Variants in CALN1 observed in about 807,000 individuals in gnomAD.
CALN1 encodes the protein calcium-binding protein 8.
In CALN1, 17 loss-of-function variants were observed where a neutral mutation model predicts 30.6. The ratio of observed to expected loss-of-function variants is 0.56; its 90% CI spans 0.38 to 0.83. The LOEUF (loss-of-function observed/expected upper bound fraction) is 0.83. CALN1 is among the 40% of genes least tolerant of loss of function. The pLI is 0.00. For missense variants in CALN1, 291 were observed against 354.9 expected (o/e 0.82, Z 1.45); for synonymous variants, 156 against 131.4 (o/e 1.19, Z -1.28).
intron 4 of CALN1, among the ~76,000 whole-genome samples, chr7:72,039,802 C>T (rs1802016269): frequency 6.6e-6 from 1 of 152,126 alleles, no homozygotes; most frequent in African/African-American, 2.4e-5. Flanking sequence ...AAGGTCTCTC[C>T]CTCCTCTGGG....
At position 72,164,321 on chromosome 7, in the gene CALN1, A is replaced by G. The variant is rs569971050; in HGVS notation, c.245-58027T>C. Among the ~76,000 whole-genome samples, 7 of 148,588 alleles carry G rather than the reference A, an allele frequency of 4.7e-5. No homozygotes were observed. In the South Asian group the frequency reaches 1.5e-3, roughly 32 times the overall value. Reference sequence around the variant, plus strand: ...AGCCAAGATCACGCCATTGCACTCCAGCCTGGGTGACAAGAGCAACACTCC... The same window carrying G: ...AGCCAAGATCACGCCATTGCACTCCGGCCTGGGTGACAAGAGCAACACTCC... On this transcript the variant is annotated intron_variant, in intron 3 of 6. Coordinates refer to ENST00000395275, the MANE Select transcript of CALN1 (RefSeq NM_031468.4).
chr7:72,098,764 GCACACA>G (rs1181933030), intron 4 of CALN1, among the ~76,000 whole-genome samples: 1,895 of 142,794 alleles, frequency 0.013, 19 homozygotes, highest in African/African-American at 0.018. Flanking sequence ...CATTTGGCGC[GCACACA>G]CACACACACA....
intron 1 of CALN1, among the ~76,000 whole-genome samples, chr7:72,443,676 G>C (rs886152635): frequency 6.6e-6 from 1 of 151,692 alleles, no homozygotes; most frequent in African/African-American, 2.4e-5. Context: ...GGATCCACTA[G>C]ACTCATGCCT....
chr7:71,867,636 T>C (rs1327054043), intron 5 of CALN1, among the ~76,000 whole-genome samples: 2 of 152,264 alleles, frequency 1.3e-5, no homozygotes, highest in South Asian at 2.1e-4. Flanking sequence ...GGTTTCACCA[T>C]GATGGCCAGG....
At chr7:72,247,353 T>C (rs530027496) in intron 3 of CALN1, among the ~76,000 whole-genome samples, 41 of 144,786 alleles carry the variant, frequency 2.8e-4, no homozygotes, top group African/African-American at 1.0e-3. Context: ...GTTCACGCCA[T>C]TCTCCTGCCT....
intron 5 of CALN1, among the ~76,000 whole-genome samples, chr7:71,989,488 T>G (rs1456133776): frequency 6.7e-6 from 1 of 150,350 alleles, no homozygotes; most frequent in East Asian, 1.9e-4. Flanking sequence ...CTGGGAGGAA[T>G]TTCCACTAAT....
At chr7:71,994,451 G>A (rs1239134670) in intron 5 of CALN1, among the ~76,000 whole-genome samples, 1 of 147,560 alleles carries the variant, frequency 6.8e-6, no homozygotes, top group Non-Finnish European at 1.5e-5. Context: ...GGCAGAGGTT[G>A]CCGTGAGCCG....
At chr7:72,220,712 C>T (rs1793223597) in intron 3 of CALN1, among the ~76,000 whole-genome samples, 1 of 151,646 alleles carries the variant, frequency 6.6e-6, no homozygotes, top group South Asian at 2.1e-4. Context: ...CTGTTGTTTC[C>T]TGACTTTTTA....
rs565996131 is a variant in CALN1 at position 72,091,505 on chromosome 7, T to C, written c.388+14646A>G. 7.0e-4 allele frequency among the ~76,000 whole-genome samples: 106 copies of C among 152,308 alleles called. 1 individual carries two copies. In the South Asian group the frequency reaches 0.013, roughly 19 times the overall value. Reference sequence around the variant, plus strand: ...TATGCTTGTATCAAAATATCACATGTACCCCATAAATATGTATAACTTATA... The same window carrying C: ...TATGCTTGTATCAAAATATCACATGCACCCCATAAATATGTATAACTTATA... On this transcript the variant is annotated intron_variant, in intron 4 of 6. Transcript: ENST00000395275.
At chr7:72,165,164 C>T (rs1788435072) in intron 3 of CALN1, among the ~76,000 whole-genome samples, 1 of 152,156 alleles carries the variant, frequency 6.6e-6, no homozygotes, top group African/African-American at 2.4e-5. Flanking sequence ...TAGCAAAGAA[C>T]AAGTTCACCA....
At chr7:72,276,033 G>A (rs1585333282) in intron 3 of CALN1, among the ~76,000 whole-genome samples, 1 of 152,218 alleles carries the variant, frequency 6.6e-6, no homozygotes, top group Non-Finnish European at 1.5e-5. Flanking sequence ...TCATGGCAAA[G>A]TTGGGAAGGA....
chr7:71,832,042 T>C (rs1789320151), intron 5 of CALN1, among the ~76,000 whole-genome samples: 2 of 152,168 alleles, frequency 1.3e-5, no homozygotes, highest in Admixed American at 1.3e-4. Context: ...AGGCTCAGAA[T>C]GTCCATCTCT....
At chr7:72,048,009 T>A (rs1279279635) in intron 4 of CALN1, among the ~76,000 whole-genome samples, 1 of 151,968 alleles carries the variant, frequency 6.6e-6, no homozygotes, top group Non-Finnish European at 1.5e-5. Flanking sequence ...TTTCAGAGGC[T>A]TCATTCATTC....
intron 2 of CALN1, among the ~76,000 whole-genome samples, chr7:72,396,249 A>AAAAAAAAG (rs1805935852): frequency 9.7e-6 from 1 of 102,758 alleles, no homozygotes; most frequent in African/African-American, 5.4e-5. Context: ...AAAAAAAAAA[A>AAAAAAAAG]AAAAAAAAGA....
intron 6 of CALN1, among the ~76,000 whole-genome samples, chr7:71,804,153 T>A (rs948276397): frequency 2.0e-5 from 3 of 152,170 alleles, no homozygotes; most frequent in African/African-American, 7.2e-5. Context: ...ATGAAGACCA[T>A]CTGAACACCT....
chr7:71,822,010 C>T (rs961781007), intron 5 of CALN1, among the ~76,000 whole-genome samples: 1 of 152,004 alleles, frequency 6.6e-6, no homozygotes, highest in African/African-American at 2.4e-5. Flanking sequence ...CTCAAGTAAT[C>T]TGTCCGCCTC....
intron 3 of CALN1, among the ~76,000 whole-genome samples, chr7:72,224,772 C>A (rs370367497): frequency 1.1e-4 from 17 of 148,322 alleles, no homozygotes; most frequent in East Asian, 4.1e-4. Context: ...CACCGTGAGA[C>A]CCTGTCAAAA....
At chr7:72,327,147 T>G (rs1262674637) in intron 2 of CALN1, among the ~76,000 whole-genome samples, 5 of 152,186 alleles carry the variant, frequency 3.3e-5, no homozygotes, top group Admixed American at 6.5e-5. Flanking sequence ...AAGGTCAACT[T>G]GGGCTTTATG....
intron 5 of CALN1, among the ~76,000 whole-genome samples, chr7:71,866,118 G>T (rs1398318230): frequency 6.6e-6 from 1 of 151,710 alleles, no homozygotes; most frequent in African/African-American, 2.4e-5. Context: ...CCATTCTCCT[G>T]CCTCAGCCTC....
Sources: gnomAD v4.1 joint callset for allele counts (sites outside exome capture counted in the v4.1 genomes callset) on GRCh38, gnomAD v4.1.1 for gene constraint, MANE v1.5 for transcripts, NCBI Gene and HGNC (gene_info 2026-07-23, HGNC 2026-07-21) for gene names.